The following PLPPR4 variants were observed in gnomAD, a reference collection of about 807,000 sequenced individuals.
PLPPR4 encodes phospholipid phosphatase-related protein type 4.
In PLPPR4, 24 loss-of-function variants were observed where a neutral mutation model predicts 56.6. The observed-to-expected ratio is 0.42, with a 90% CI of 0.31 to 0.60. PLPPR4 has a LOEUF of 0.60. Among genes scored for constraint, PLPPR4 ranks in the 20% least tolerant of loss-of-function variants. The pLI, the probability that PLPPR4 is intolerant of heterozygous loss-of-function variation, is 0.13. For synonymous variants in PLPPR4, 326 were observed against 328.1 expected (o/e 0.99, Z 0.07); for missense variants, 654 against 885.8 (o/e 0.74, Z 3.32).
upstream of PLPPR4, among the ~76,000 whole-genome samples, chr1:99,263,690 T>G (rs1239549675): frequency 1.3e-5 from 2 of 152,196 alleles, no homozygotes; most frequent in Non-Finnish European, 2.9e-5. Context: ...GATGAAGGAC[T>G]TTAGATTATT....
intron 6 of PLPPR4, 89 bp downstream of exon 6, chr1:99,301,986 A>G (rs952591955): frequency 1.2e-6 from 1 of 804,658 alleles, no homozygotes; most frequent in Admixed American, 2.9e-5. Context: ...TCCTTGCGAT[A>G]TATTTTATAT....
At chr1:99,302,598 TG>T (rs1299454214) in intron 6 of PLPPR4, among the ~76,000 whole-genome samples, 3 of 151,192 alleles carry the variant, frequency 2.0e-5, no homozygotes, top group Non-Finnish European at 4.4e-5. Context: ...TGTGTCATGC[TG>T]GTGTGCTGCA....
In PLPPR4 at chr1:99,274,571, A is replaced by G. The variant is rs564528746; in HGVS notation, c.78+9900A>G. Among the ~76,000 whole-genome samples, 8 of 152,296 alleles carry G rather than the reference A, an allele frequency of 5.3e-5. No homozygotes were observed. In the South Asian group the frequency reaches 1.2e-3, roughly 24 times the overall value. ...ATGGTGGAGCAGTTTATTACAATGT[A>G]TAATACAACAACAACAAATATTTAC... is the stretch of plus-strand genomic sequence containing the variant. On this transcript the variant is annotated intron_variant, in intron 1 of 6. Transcript: ENST00000370185.
At chr1:99,289,539 G>A (rs1252497909) in intron 2 of PLPPR4, among the ~76,000 whole-genome samples, 1 of 151,918 alleles carries the variant, frequency 6.6e-6, no homozygotes, top group African/African-American at 2.4e-5. Flanking sequence ...TAATGTACTT[G>A]GAAGAAGCTG....
At chr1:99,286,484 A>G (rs1275097270) in intron 1 of PLPPR4, among the ~76,000 whole-genome samples, 1 of 152,152 alleles carries the variant, frequency 6.6e-6, no homozygotes, top group East Asian at 1.9e-4. Context: ...AAATAAGTGA[A>G]GTATTAAATT....
Position 99,299,244 on chromosome 1 carries a change from C to A in PLPPR4, c.590+14C>A. ...CAACAGTGGCAGGTTAGAAACAGAT[C>A]TAAAAACACTCTGCATCATTGTTTT... On this transcript the variant is annotated intron_variant, in intron 4 of 6. Transcript: ENST00000370185. 6.3e-7 allele frequency: 1 copy of A among 1,587,616 alleles called. No individual in the cohort carries two copies. Among genetic ancestry groups the A allele is most frequent in the East Asian group, 2.2e-5 (1 of 44,544 alleles).
chr1:99,286,098 G>A (rs1438558297), intron 1 of PLPPR4, among the ~76,000 whole-genome samples: 1 of 152,182 alleles, frequency 6.6e-6, no homozygotes, highest in Non-Finnish European at 1.5e-5. Flanking sequence ...CTAGTTTAGG[G>A]AGACCAAATA....
Position 99,308,014 on chromosome 1 carries a change from C to T in PLPPR4, c.*1004C>T, listed in dbSNP as rs1461957910. The T allele has an allele frequency of 6.6e-6, 1 of 152,110 alleles. No homozygotes were observed. The highest frequency in any genetic ancestry group is 1.5e-5 in the Non-Finnish European group (1 of 68,022). 9.4% of individuals were successfully genotyped at this position (152,110 alleles called of 1,614,324 possible). ...GAATTTGCAAACAAGAAATCTGAGCCAAAACTTGACATTGTGGGTTACATT... is the reference window on the plus strand; with the variant it reads ...GAATTTGCAAACAAGAAATCTGAGCTAAAACTTGACATTGTGGGTTACATT... On this transcript the variant is annotated 3_prime_UTR_variant, in exon 7 of 7. Coordinates refer to ENST00000370185, the MANE Select transcript of PLPPR4 (RefSeq NM_014839.5).
At chr1:99,279,582 ACATGG>A (rs1659273683) in intron 1 of PLPPR4, among the ~76,000 whole-genome samples, 1 of 152,154 alleles carries the variant, frequency 6.6e-6, no homozygotes. Flanking sequence ...ACCCCTTGAC[ACATGG>A]CCATCTCTCG....
intron 1 of PLPPR4, among the ~76,000 whole-genome samples, chr1:99,286,703 T>C (rs182024630): frequency 3.9e-5 from 6 of 152,040 alleles, no homozygotes; most frequent in African/African-American, 9.6e-5. Flanking sequence ...TGGGCAGAAA[T>C]GAATTCGAAT....
chr1:99,300,322 A>G (rs1659854098), intron 4 of PLPPR4, among the ~76,000 whole-genome samples: 1 of 152,030 alleles, frequency 6.6e-6, no homozygotes, highest in Admixed American at 6.6e-5. Context: ...AACTGTTTAA[A>G]TAAGATGATC....
At chr1:99,265,755 T>A (rs893720068) in intron 1 of PLPPR4, among the ~76,000 whole-genome samples, 1 of 152,230 alleles carries the variant, frequency 6.6e-6, no homozygotes, top group African/African-American at 2.4e-5. Context: ...CTGTATTCAA[T>A]GATTGTAAGG....
At chr1:99,303,201 A>C (rs918585046) in intron 6 of PLPPR4, among the ~76,000 whole-genome samples, 8 of 152,072 alleles carry the variant, frequency 5.3e-5, no homozygotes, top group Non-Finnish European at 8.8e-5. Context: ...TACATATGCA[A>C]AGAGACAGGT....
In PLPPR4 at chr1:99,308,875, T is replaced by C. The variant is rs1255227417; in HGVS notation, c.*1865T>C. The C allele has an allele frequency of 2.0e-5, 3 of 152,638 alleles. No individual in the cohort carries two copies. Among genetic ancestry groups the C allele is most frequent in the Non-Finnish European group, 4.4e-5 (3 of 68,040 alleles). 9.5% of individuals were successfully genotyped at this position (152,638 alleles called of 1,614,324 possible). A position where few individuals can be genotyped will look rare whatever the true frequency, so the allele number is the denominator to read the frequency against. On this transcript the variant is annotated 3_prime_UTR_variant, in exon 7 of 7. Transcript: ENST00000370185. Reference sequence around the variant, plus strand: ...CCATCATGACGCTCATACTGGCTTTTGCCTGTTTGTAGAGGAAAAGGTGGG... The same window carrying C: ...CCATCATGACGCTCATACTGGCTTTCGCCTGTTTGTAGAGGAAAAGGTGGG...
chr1:99,272,694 C>G (rs927828038), intron 1 of PLPPR4, among the ~76,000 whole-genome samples: 7 of 152,046 alleles, frequency 4.6e-5, no homozygotes. Flanking sequence ...CAATTAACTC[C>G]CTTGACATGA....
intron 2 of PLPPR4, among the ~76,000 whole-genome samples, chr1:99,292,068 A>G (rs1282995869): frequency 6.6e-6 from 1 of 152,190 alleles, no homozygotes; most frequent in Non-Finnish European, 1.5e-5. Context: ...TTTGAGATAA[A>G]TTACTTAACA....
Position 99,307,290 on chromosome 1 carries a change from A to G in PLPPR4, c.*280A>G. 2.6e-6 allele frequency: 1 copy of G among 380,304 alleles called. No individual in the cohort carries two copies. The highest frequency in any genetic ancestry group is 4.7e-6 in the Non-Finnish European group (1 of 212,908). 23.6% of individuals were successfully genotyped at this position (380,304 alleles called of 1,614,324 possible). On this transcript the variant is annotated 3_prime_UTR_variant, in exon 7 of 7. Transcript: ENST00000370185. ...TTTTGCAGAGGGCAGTATCAAAAGA[A>G]AGTGGTTTTCTTCAAATGTATACTA...
chr1:99,306,855 A>G lies in PLPPR4; in HGVS notation c.1993A>G (p.Ile665Val). Residue 665 changes from isoleucine to valine, a missense_variant, in exon 7 of 7, where the codon ATT becomes GTT. Ile to Val is a conservative substitution (Grantham distance 29). Around this residue, in one of 2 missense-constraint regions of PLPPR4, gnomAD observed 468 missense variants for 554.3 expected, o/e 0.84. Coordinates refer to ENST00000370185, the MANE Select transcript of PLPPR4 (RefSeq NM_014839.5). The surrounding 1 kb of genome is among the most constrained non-coding windows in gnomAD (Gnocchi z 4.0). ...CGTCACCCCAGTAGAGGGCAGCGAA[A>G]TTGGCTCAGAGACGCTGTCCATTTC... ...IRVTPVEGSE[I>V]GSETLSISSS... 2 of 1,614,162 alleles carry G rather than the reference A, an allele frequency of 1.2e-6. No homozygotes were observed. The highest frequency in any genetic ancestry group is 1.7e-6 in the Non-Finnish European group (2 of 1,180,036).
rs1453899035 is a variant in PLPPR4 at position 99,299,018 on chromosome 1, T to C, written c.395-17T>C. 6.3e-7 allele frequency: 1 copy of C among 1,595,386 alleles called. No individual in the cohort carries two copies. The highest frequency in any genetic ancestry group is 1.3e-5 in the African/African-American group (1 of 74,678). On this transcript the variant is annotated splice_polypyrimidine_tract_variant and intron_variant, in intron 3 of 6. Coordinates refer to ENST00000370185, the MANE Select transcript of PLPPR4 (RefSeq NM_014839.5). Reference sequence around the variant, plus strand: ...CAACCACCAACTTGGTAACAATTTCTTTCATTTTGCCTATAGGTGTTCATG... The same window carrying C: ...CAACCACCAACTTGGTAACAATTTCCTTCATTTTGCCTATAGGTGTTCATG...
Sources: allele counts gnomAD v4.1 joint callset (sites outside exome capture counted in the v4.1 genomes callset), GRCh38; gene constraint gnomAD v4.1.1; regional missense constraint gnomAD v4.1.1; non-coding constraint Gnocchi (gnomAD v3.1); transcripts MANE v1.5; gene names NCBI Gene and HGNC (gene_info 2026-07-23, HGNC 2026-07-21).